Variants in RAD51B observed in about 807,000 individuals in gnomAD.
The protein encoded by RAD51B is DNA repair protein RAD51 homolog 2.
In RAD51B, 38 loss-of-function variants were observed where a neutral mutation model predicts 42.2. That is an observed-to-expected ratio of 0.90 (90% CI 0.70 to 1.18). The LOEUF (loss-of-function observed/expected upper bound fraction) is 1.18. Ranked by LOEUF, RAD51B falls within the 50% of genes most tolerant of loss-of-function variation. The pLI is 0.00. For synonymous variants in RAD51B, 154 were observed against 145.2 expected (o/e 1.06, Z -0.43); for missense variants, 373 against 400.7 (o/e 0.93, Z 0.59).
intron 10 of RAD51B, among the ~76,000 whole-genome samples, chr14:68,642,923 C>T (rs895907848): frequency 6.6e-6 from 1 of 152,134 alleles, no homozygotes; most frequent in Non-Finnish European, 1.5e-5. Context: ...AGCTATCAGA[C>T]TATTTCTAGT....
intron 7 of RAD51B, among the ~76,000 whole-genome samples, chr14:67,930,925 T>G (rs1345198091): frequency 6.6e-6 from 1 of 150,870 alleles, no homozygotes; most frequent in Non-Finnish European, 1.5e-5. Flanking sequence ...TTCTTTTTTT[T>G]TTTTCTTTTT....
At chr14:68,576,814 C>T (rs944027423) in intron 10 of RAD51B, among the ~76,000 whole-genome samples, 3 of 152,194 alleles carry the variant, frequency 2.0e-5, no homozygotes, top group Admixed American at 6.5e-5. Context: ...CACCTCTTGA[C>T]TCAGAGTCTG....
chr14:68,126,059 G>T (rs2077753249), intron 7 of RAD51B, among the ~76,000 whole-genome samples: 2 of 152,148 alleles, frequency 1.3e-5, no homozygotes, highest in Admixed American at 1.3e-4. Context: ...GTTTTCCCAT[G>T]ATTTCTCTGG....
intron 7 of RAD51B, 103 bp from the exon 8 acceptor site, chr14:68,291,781 C>T (rs917141416): frequency 2.3e-5 from 20 of 862,218 alleles, no homozygotes; most frequent in South Asian, 1.1e-4. Context: ...TATCAGTCTT[C>T]TCCTAAACCA....
intron 7 of RAD51B, among the ~76,000 whole-genome samples, chr14:68,129,664 A>G (rs147000222): frequency 6.8e-4 from 103 of 152,376 alleles, no homozygotes; most frequent in African/African-American, 2.3e-3. Context: ...TTGGTCATCT[A>G]TAGAAGCATG....
In RAD51B at chr14:67,921,820, G is replaced by A. The variant is rs374460240; in HGVS notation, c.756+34616G>A. 7.2e-5 allele frequency among the ~76,000 whole-genome samples: 11 copies of A among 152,212 alleles called. No homozygotes were observed. In the South Asian group the frequency reaches 2.3e-3, roughly 32 times the overall value. The stretch of plus-strand genomic sequence containing the variant: ...GCATGGGTTTTCTCCTGGTACTTCA[G>A]TTTCCTCCCCTGTCCCAAAGATGTG... On this transcript the variant is annotated intron_variant, in intron 7 of 10. Transcript: ENST00000471583.
At chr14:68,052,559 T>G (rs1309411299) in intron 7 of RAD51B, among the ~76,000 whole-genome samples, 1 of 151,992 alleles carries the variant, frequency 6.6e-6, no homozygotes, top group Non-Finnish European at 1.5e-5. Context: ...CTAGATACCT[T>G]TATTCTTTTC....
At chr14:67,942,687 C>T (rs1443538244) in intron 7 of RAD51B, among the ~76,000 whole-genome samples, 1 of 152,074 alleles carries the variant, frequency 6.6e-6, no homozygotes, top group Non-Finnish European at 1.5e-5. Flanking sequence ...AGTTACAAAG[C>T]CTGCCAAATC....
At chr14:68,109,636 G>C (rs149037355) in intron 7 of RAD51B, among the ~76,000 whole-genome samples, 246 of 152,046 alleles carry the variant, frequency 1.6e-3, no homozygotes, top group African/African-American at 5.7e-3. Context: ...ATTGGAGAAA[G>C]AAAGCAGTTA....
At chr14:68,579,071 T>A (rs148226450) in intron 10 of RAD51B, among the ~76,000 whole-genome samples, 2 of 152,284 alleles carry the variant, frequency 1.3e-5, no homozygotes, top group African/African-American at 4.8e-5. Flanking sequence ...CAGTCACTGA[T>A]GCCAGATTCA....
chr14:68,582,330 A>G (rs1890245371), intron 10 of RAD51B, among the ~76,000 whole-genome samples: 1 of 152,222 alleles, frequency 6.6e-6, no homozygotes, highest in Non-Finnish European at 1.5e-5. Context: ...CAACCCCATC[A>G]AAAAGTGGTC....
At chr14:67,833,037 C>A (rs1464223280) in intron 3 of RAD51B, among the ~76,000 whole-genome samples, 1 of 152,112 alleles carries the variant, frequency 6.6e-6, no homozygotes, top group Non-Finnish European at 1.5e-5. Flanking sequence ...CACCAGAATT[C>A]TTTGTATAAT....
chr14:68,615,033 C>T (rs186418401), downstream of RAD51B, among the ~76,000 whole-genome samples: 140 of 152,248 alleles, frequency 9.2e-4, 3 homozygotes, highest in African/African-American at 3.2e-3. Context: ...CCACCAGGCC[C>T]AGCTAATTTT....
chr14:68,064,562 T>G (rs2076619713), intron 7 of RAD51B, among the ~76,000 whole-genome samples: 1 of 152,064 alleles, frequency 6.6e-6, no homozygotes, highest in Non-Finnish European at 1.5e-5. Flanking sequence ...CCTTGTTTTC[T>G]TTTTCTGGGA....
At chr14:68,039,385 G>A (rs944740572) in intron 7 of RAD51B, among the ~76,000 whole-genome samples, 4 of 140,320 alleles carry the variant, frequency 2.9e-5, no homozygotes, top group South Asian at 2.2e-4. Flanking sequence ...CCATTATGGC[G>A]CCACTGCACT....
chr14:68,176,768 C>G (rs1262553917), intron 7 of RAD51B, among the ~76,000 whole-genome samples: 1 of 152,068 alleles, frequency 6.6e-6, no homozygotes, highest in East Asian at 1.9e-4. Flanking sequence ...GGTAACCAAC[C>G]TTGAAATAAA....
intron 7 of RAD51B, among the ~76,000 whole-genome samples, chr14:68,048,259 A>G (rs1011152428): frequency 6.6e-6 from 1 of 152,138 alleles, no homozygotes; most frequent in South Asian, 2.1e-4. Flanking sequence ...ATGTCTGTTC[A>G]TATCCTTCGC....
chr14:68,207,209 T>TACAC (rs531785707), intron 7 of RAD51B, among the ~76,000 whole-genome samples: 18 of 150,834 alleles, frequency 1.2e-4, no homozygotes, highest in Admixed American at 4.0e-4. Flanking sequence ...TGGGGAAAAA[T>TACAC]ACACACACAC....
chr14:68,677,242 C>T (rs2140160493), intron 11 of RAD51B, among the ~76,000 whole-genome samples: 1 of 152,268 alleles, frequency 6.6e-6, no homozygotes, highest in East Asian at 1.9e-4. Flanking sequence ...CCCTGGGGAA[C>T]AAGTTCAGAG....
Sources: allele counts gnomAD v4.1 joint callset (sites outside exome capture counted in the v4.1 genomes callset), GRCh38; gene constraint gnomAD v4.1.1; transcripts MANE v1.5; gene names NCBI Gene and HGNC (gene_info 2026-07-23, HGNC 2026-07-21).